OPHN1: variants seen among roughly 807,000 people sequenced by gnomAD.
OPHN1 encodes the protein oligophrenin-1.
OPHN1 carries 11 observed loss-of-function variants against 60.7 expected under a neutral mutation model. The ratio of observed to expected loss-of-function variants is 0.18; its 90% CI spans 0.11 to 0.30. The LOEUF (loss-of-function observed/expected upper bound fraction) is 0.30. Among genes scored for constraint, OPHN1 ranks in the 10% least tolerant of loss-of-function variants. OPHN1 has a pLI of 1.00. For synonymous variants in OPHN1, 226 were observed against 222.6 expected (o/e 1.02, Z -0.14); for missense variants, 449 against 611.0 (o/e 0.73, Z 2.80).
At chrX:68,084,673 T>C (rs1190684070) in intron 19 of OPHN1, among the ~76,000 whole-genome samples, 1 of 110,819 alleles carries the variant, frequency 9.0e-6, no homozygotes, top group Non-Finnish European at 1.9e-5. Context: ...TTAAGATAGA[T>C]ATGGGCTCAC....
At chrX:68,325,434 A>C (rs1001884207) in intron 2 of OPHN1, among the ~76,000 whole-genome samples, 1 of 105,326 alleles carries the variant, frequency 9.5e-6, no homozygotes, top group Non-Finnish European at 1.9e-5. Context: ...GAAACATCAC[A>C]AACTATTGAA....
At chrX:68,379,232 T>A (rs1183933427) in intron 2 of OPHN1, among the ~76,000 whole-genome samples, 2 of 111,217 alleles carry the variant, frequency 1.8e-5, no homozygotes, top group Non-Finnish European at 3.8e-5. Context: ...TGGCTCTCTG[T>A]CTGTTATTGG....
At chrX:68,207,371 T>C (rs913238399) in intron 9 of OPHN1, among the ~76,000 whole-genome samples, 15 of 110,796 alleles carry the variant, frequency 1.4e-4, no homozygotes, top group Middle Eastern at 4.3e-3. Flanking sequence ...GACCTCGTGA[T>C]CTGCATGCCT....
chrX:68,330,559 G>A (rs1416047563), intron 2 of OPHN1, among the ~76,000 whole-genome samples: 1 of 110,758 alleles, frequency 9.0e-6, no homozygotes, highest in Non-Finnish European at 1.9e-5. Context: ...AGCTACTTGG[G>A]AGGCTGAGGC....
chrX:68,222,559 G>A (rs1320913781), intron 6 of OPHN1, among the ~76,000 whole-genome samples: 1 of 101,750 alleles, frequency 9.8e-6, no homozygotes, highest in African/African-American at 3.6e-5. Context: ...ACTGGATTAA[G>A]AAAATGTGGC....
chrX:68,294,142 C>T (rs1268219184), intron 3 of OPHN1, among the ~76,000 whole-genome samples: 1 of 110,695 alleles, frequency 9.0e-6, no homozygotes, highest in Non-Finnish European at 1.9e-5. Flanking sequence ...TACCTATTTA[C>T]TAATGAACAA....
chrX:68,110,587 G>A (rs2077099888), intron 18 of OPHN1, among the ~76,000 whole-genome samples: 1 of 112,085 alleles, frequency 8.9e-6, no homozygotes, highest in African/African-American at 3.2e-5. Flanking sequence ...ATTTGTGACA[G>A]ATCTGGAACT....
chrX:68,233,725 T>G (rs1257600948), intron 6 of OPHN1, among the ~76,000 whole-genome samples: 5 of 111,258 alleles, frequency 4.5e-5, no homozygotes, highest in African/African-American at 1.6e-4. Flanking sequence ...TGTCAAACAC[T>G]TTACCTATAT....
chrX:68,328,011 A>C (rs1322291144), intron 2 of OPHN1, among the ~76,000 whole-genome samples: 8 of 96,019 alleles, frequency 8.3e-5, no homozygotes, highest in Non-Finnish European at 1.2e-4. Context: ...TTGTATTTTT[A>C]GTAGAGACGG....
chrX:68,294,365 C>A (rs760051110), intron 3 of OPHN1, among the ~76,000 whole-genome samples: 1 of 102,779 alleles, frequency 9.7e-6, no homozygotes, highest in African/African-American at 3.6e-5. Flanking sequence ...CCCAGCTACT[C>A]GGGAGGCCGA....
chrX:68,198,740 G>C (rs906872316), intron 11 of OPHN1, among the ~76,000 whole-genome samples: 3 of 111,489 alleles, frequency 2.7e-5, no homozygotes, highest in African/African-American at 9.8e-5. Context: ...AAGTAACTAG[G>C]CCTTTCTAGA....
chrX:68,321,740 C>T (rs1260555722), intron 2 of OPHN1, among the ~76,000 whole-genome samples: 2 of 110,710 alleles, frequency 1.8e-5, no homozygotes, highest in African/African-American at 6.6e-5. Context: ...CTAGCCTGGC[C>T]AACATGGTGA....
intron 5 of OPHN1, among the ~76,000 whole-genome samples, chrX:68,249,040 C>T (rs977010476): frequency 1.8e-5 from 2 of 111,320 alleles, no homozygotes; most frequent in African/African-American, 3.3e-5. Flanking sequence ...GATAGCAATA[C>T]AGAGTGAATA....
At chrX:68,393,890 T>A (rs1208006285) in intron 2 of OPHN1, among the ~76,000 whole-genome samples, 1 of 66,483 alleles carries the variant, frequency 1.5e-5, no homozygotes, top group African/African-American at 4.8e-5. Flanking sequence ...ACTTTGTTTT[T>A]TTTTTTTTTT....
chrX:68,201,393 G>C (rs1448308236), intron 11 of OPHN1, among the ~76,000 whole-genome samples: 2 of 112,008 alleles, frequency 1.8e-5, no homozygotes, highest in Non-Finnish European at 3.8e-5. Flanking sequence ...AGCAAGTGAG[G>C]CAAAGCTGAT....
At chrX:68,306,256 C>T (rs979268450) in intron 2 of OPHN1, among the ~76,000 whole-genome samples, 1 of 111,976 alleles carries the variant, frequency 8.9e-6, no homozygotes, top group African/African-American at 3.2e-5. Flanking sequence ...TTTCCTTTGT[C>T]CCTCACTCTT....
chrX:68,230,986 A>G (rs1432288242), intron 6 of OPHN1, among the ~76,000 whole-genome samples: 1 of 112,045 alleles, frequency 8.9e-6, no homozygotes, highest in African/African-American at 3.2e-5. Context: ...TGGTTCTTTG[A>G]AAAAAATCAA....
At chrX:68,398,306 G>A (rs978851981) in intron 2 of OPHN1, among the ~76,000 whole-genome samples, 2 of 111,902 alleles carry the variant, frequency 1.8e-5, no homozygotes, top group African/African-American at 6.5e-5. Flanking sequence ...ATGCTTGCAT[G>A]TTTTGGTTTT....
At chrX:68,347,560 G>A (rs1353754596) in intron 2 of OPHN1, among the ~76,000 whole-genome samples, 3 of 110,762 alleles carry the variant, frequency 2.7e-5, no homozygotes, top group Non-Finnish European at 3.8e-5. Flanking sequence ...TCAAGCAATC[G>A]TCCTGCCTCA....
Sources: gnomAD v4.1 joint callset for allele counts (sites outside exome capture counted in the v4.1 genomes callset) on GRCh38, gnomAD v4.1.1 for gene constraint, MANE v1.5 for transcripts, NCBI Gene and HGNC (gene_info 2026-07-23, HGNC 2026-07-21) for gene names.